PTPN14: variants seen among roughly 807,000 people sequenced by gnomAD.
The protein encoded by PTPN14 is protein tyrosine phosphatase non-receptor type 14, also known as tyrosine-protein phosphatase non-receptor type 14.
PTPN14 carries 53 observed loss-of-function variants against 126.8 expected under a neutral mutation model. The observed-to-expected ratio is 0.42, with a 90% CI of 0.34 to 0.53. PTPN14 has a LOEUF of 0.53. Among genes scored for constraint, PTPN14 ranks in the 20% least tolerant of loss-of-function variants. The pLI is 0.08. For synonymous variants in PTPN14, 630 were observed against 599.3 expected, an observed-to-expected ratio of 1.05 and a Z score of -0.75; for missense variants, 1,257 against 1,552.9, an observed-to-expected ratio of 0.81 and a Z score of 3.20.
intron 1 of PTPN14, 39 bp from the exon 2 acceptor site, chr1:214,464,996 A>G (rs1660597843): frequency 3.3e-6 from 2 of 610,594 alleles, no homozygotes; most frequent in South Asian, 2.1e-5. Context: ...ATGCTCCAGA[A>G]GGGACCTATC....
chr1:214,376,400 A>G lies in PTPN14; in HGVS notation c.2726T>C (p.Val909Ala), dbSNP rs1658344648. ...TGGAATTTGCTCATATTCTGTGAAC[A>G]CCATTCCCTCTTCTAGTTTCTTCTT... ...TLKKKLEEGM[V>A]FTEYEQIPKK... The change falls in exon 15 of 19, where the codon GTG (valine) becomes GCG (alanine). Residue 909 changes from valine (V) to alanine (A), a missense_variant. Val to Ala is a moderately conservative substitution (Grantham distance 64). Coordinates refer to ENST00000366956, the MANE Select transcript of PTPN14 (RefSeq NM_005401.5). 5 of 1,613,996 alleles carry G rather than the reference A, an allele frequency of 3.1e-6. No homozygotes were observed. Among genetic ancestry groups the G allele is most frequent in the South Asian group, 1.1e-5 (1 of 91,074 alleles).
chr1:214,501,394 C>T (rs1440386195), intron 1 of PTPN14, among the ~76,000 whole-genome samples: 1 of 152,080 alleles, frequency 6.6e-6, no homozygotes, highest in South Asian at 2.1e-4. Context: ...TGCCCACCAC[C>T]ACACCCTGCT....
At chr1:214,410,147 A>G (rs34182952) in intron 5 of PTPN14, among the ~76,000 whole-genome samples, 14,451 of 152,106 alleles carry the variant, frequency 0.095, 903 homozygotes, top group Middle Eastern at 0.14. Flanking sequence ...TTAGTTTGAT[A>G]CAATCTCATT....
chr1:214,505,448 C>CT (rs1654816820), intron 1 of PTPN14, among the ~76,000 whole-genome samples: 1 of 152,170 alleles, frequency 6.6e-6, no homozygotes, highest in South Asian at 2.1e-4. Flanking sequence ...TGGCTGGTCC[C>CT]TTCGGGGGGG....
At position 214,469,985 on chromosome 1, in the gene PTPN14, T is replaced by C. The variant is rs147055141; in HGVS notation, c.-154-5028A>G. ...CTTTAAGAACATATCTAATAAATAC[T>C]ACAAAGCTGCAACTCTTGCTGAGAC... On this transcript the variant is annotated intron_variant, in intron 1 of 18. Coordinates refer to ENST00000366956, the MANE Select transcript of PTPN14 (RefSeq NM_005401.5). Among the ~76,000 whole-genome samples, 540 of 152,316 alleles carry C rather than the reference T, an allele frequency of 3.5e-3. 4 individuals are homozygous for C. Among genetic ancestry groups the C allele is most frequent in the African/African-American group, 0.012 (500 of 41,564 alleles).
intron 1 of PTPN14, among the ~76,000 whole-genome samples, chr1:214,476,260 A>C (rs1406663491): frequency 6.6e-6 from 1 of 152,248 alleles, no homozygotes; most frequent in African/African-American, 2.4e-5. Flanking sequence ...AACCAATTTG[A>C]AAAACACAAT....
rs1657706670 is a variant in PTPN14 at position 214,351,386 on chromosome 1, G to C, written c.*6536C>G. On this transcript the variant is annotated 3_prime_UTR_variant, in exon 19 of 19. Transcript: ENST00000366956. ...ATGAAGAGGGTGACAGCACACAACA[G>C]TCCCACCCGTTCCCCTGAACAAGAC... 1 of 150,940 alleles carries C rather than the reference G, an allele frequency of 6.6e-6. No individual in the cohort carries two copies. The highest frequency in any genetic ancestry group is 2.1e-4 in the South Asian group (1 of 4,786). 9.4% of individuals were successfully genotyped at this position (150,940 alleles called of 1,614,324 possible).
rs1320529817 is a variant in PTPN14 at position 214,351,693 on chromosome 1, T to A, written c.*6229A>T. 1 of 152,222 alleles carries A rather than the reference T, an allele frequency of 6.6e-6. No individual in the cohort carries two copies. Among genetic ancestry groups the A allele is most frequent in the Admixed American group, 6.5e-5 (1 of 15,292 alleles). 9.4% of individuals were successfully genotyped at this position (152,222 alleles called of 1,614,324 possible). A position where few individuals can be genotyped will look rare whatever the true frequency, so the allele number is the denominator to read the frequency against. ...ATGATAAACCACACATCATAATCCA[T>A]GACATTCATCAAGCTCTACCTCAAC... is the stretch of plus-strand genomic sequence containing the variant. On this transcript the variant is annotated 3_prime_UTR_variant, in exon 19 of 19. Transcript: ENST00000366956.
intron 1 of PTPN14, chr1:214,533,405 C>A: frequency 2.4e-6 from 1 of 422,012 alleles, no homozygotes; most frequent in Non-Finnish European, 4.5e-6. Flanking sequence ...AAAAGACCAC[C>A]ACCTGCCGCA....
At chr1:214,456,028 T>C (rs550971285) in intron 2 of PTPN14, among the ~76,000 whole-genome samples, 40 of 152,228 alleles carry the variant, frequency 2.6e-4, no homozygotes, top group Admixed American at 3.9e-4. Flanking sequence ...CATTTATTTG[T>C]AAAGAGATGG....
At chr1:214,362,379 A>C (rs1016946542) in intron 18 of PTPN14, among the ~76,000 whole-genome samples, 22 of 152,228 alleles carry the variant, frequency 1.4e-4, no homozygotes, top group Non-Finnish European at 2.9e-4. Flanking sequence ...CGTCCCAGCA[A>C]AGAATGTTCT....
At chr1:214,436,800 AAAAAAAAAAAAAAAGG>A (rs1659929203) in intron 3 of PTPN14, among the ~76,000 whole-genome samples, 1 of 87,748 alleles carries the variant, frequency 1.1e-5, no homozygotes, top group South Asian at 3.8e-4. Context: ...AAAAAAAAAA[AAAAAAAAAAAAAAAGG>A]TTTGTCAGAA....
chr1:214,381,384 TTTATTCC>T (rs1405807953), intron 13 of PTPN14, among the ~76,000 whole-genome samples: 16 of 152,246 alleles, frequency 1.1e-4, no homozygotes, highest in Admixed American at 6.5e-5. Flanking sequence ...AATAAATTGC[TTTATTCC>T]ATGCTGGGAA....
intron 1 of PTPN14, among the ~76,000 whole-genome samples, chr1:214,478,977 T>C (rs1040360479): frequency 5.9e-5 from 9 of 151,964 alleles, no homozygotes; most frequent in East Asian, 3.9e-4. Flanking sequence ...CAATCATACA[T>C]TGACTAAATA....
chr1:214,509,809 T>TA (rs1308653516), intron 1 of PTPN14, among the ~76,000 whole-genome samples: 2 of 152,114 alleles, frequency 1.3e-5, no homozygotes, highest in Non-Finnish European at 2.9e-5. Context: ...TATGCAGCCA[T>TA]AAAAAAGGAT....
chr1:214,402,357 T>C (rs1659038925), intron 6 of PTPN14, among the ~76,000 whole-genome samples: 1 of 145,904 alleles, frequency 6.9e-6, no homozygotes, highest in African/African-American at 2.6e-5. Context: ...TGAGAATTGC[T>C]TGAACCCCGG....
chr1:214,468,211 G>A (rs926114666), intron 1 of PTPN14, among the ~76,000 whole-genome samples: 25 of 152,196 alleles, frequency 1.6e-4, no homozygotes, highest in African/African-American at 5.8e-4. Context: ...TATAGCAGGG[G>A]TAAAGAAGTC....
rs565866553 is a variant in PTPN14, at chr1:214,483,468, C to T, written c.-154-18511G>A. The T allele has an allele frequency of 8.8e-5, 78 of 890,064 alleles. 1 individual carries two copies. The South Asian group carries it at 1.0e-3, about 12-fold the overall frequency. The allele number at this position is 890,064 out of a possible 1,614,324, so 55.1% of individuals were successfully genotyped here. On this transcript the variant is annotated intron_variant, in intron 1 of 18. Coordinates refer to ENST00000366956, the MANE Select transcript of PTPN14 (RefSeq NM_005401.5). ...AAGCCTCGCCTAGTAATCTTGCCTG[C>T]GACCCTTCCCCACCCGCCTCCAGTT...
At chr1:214,429,960 A>T (rs1311271906) in intron 3 of PTPN14, among the ~76,000 whole-genome samples, 1 of 152,250 alleles carries the variant, frequency 6.6e-6, no homozygotes, top group Non-Finnish European at 1.5e-5. Context: ...AATTCTAAAG[A>T]AGAAATTGCA....
Sources: allele counts gnomAD v4.1 joint callset (sites outside exome capture counted in the v4.1 genomes callset), GRCh38; gene constraint gnomAD v4.1.1; transcripts MANE v1.5; gene names NCBI Gene and HGNC (gene_info 2026-07-23, HGNC 2026-07-21).